Variants in SLC60A1 observed in about 807,000 individuals in gnomAD.
The protein encoded by SLC60A1 is major facilitator superfamily domain containing 4.
At chr1:205,592,318 C>T in the SLC60A1 span, 8 of 1,593,412 alleles carry the variant, frequency 5.0e-6, no homozygotes, top group Admixed American at 1.4e-4. Context: ...AGGAGGCGCG[C>T]TCTATCTAGC....
the SLC60A1 span, among the ~76,000 whole-genome samples, chr1:205,582,368 G>A: frequency 1.3e-5 from 2 of 152,214 alleles, no homozygotes; most frequent in East Asian, 1.9e-4. Flanking sequence ...AGTCCAGCAC[G>A]GAGGAAGATG....
At chr1:205,599,214 C>G in the SLC60A1 span, 2 of 1,614,024 alleles carry the variant, frequency 1.2e-6, no homozygotes, top group Admixed American at 3.3e-5. Flanking sequence ...ATATCTTGCT[C>G]CTGTTTTTCC....
the SLC60A1 span, chr1:205,584,929 T>A: frequency 6.2e-7 from 1 of 1,614,034 alleles, no homozygotes; most frequent in Non-Finnish European, 8.5e-7. Flanking sequence ...AGGAGCCCCT[T>A]ATTCCTTCTT....
the SLC60A1 span, chr1:205,569,173 TG>T: frequency 1.3e-6 from 2 of 1,543,536 alleles, no homozygotes; most frequent in South Asian, 1.2e-5. Context: ...ATCGCCTTCC[TG>T]GGGCCCACGC....
the SLC60A1 span, among the ~76,000 whole-genome samples, chr1:205,594,853 C>A: frequency 3.3e-5 from 5 of 152,108 alleles, no homozygotes; most frequent in African/African-American, 1.2e-4. Context: ...TCCTTGTCTT[C>A]AGTCTTGCCT....
At chr1:205,594,074 A>G in the SLC60A1 span, among the ~76,000 whole-genome samples, 1 of 152,328 alleles carries the variant, frequency 6.6e-6, no homozygotes, top group East Asian at 1.9e-4. Context: ...GCCAGTCATC[A>G]TCCAGGCAGC....
the SLC60A1 span, chr1:205,569,071 T>C: frequency 2.1e-6 from 3 of 1,438,786 alleles, no homozygotes; most frequent in African/African-American, 1.5e-5. Context: ...GCCTGCGCCA[T>C]GGGCTGCGAC....
chr1:205,582,861 A>G, the SLC60A1 span, among the ~76,000 whole-genome samples: 1 of 152,146 alleles, frequency 6.6e-6, no homozygotes, highest in Non-Finnish European at 1.5e-5. Flanking sequence ...AGGTGACTTG[A>G]GGAAATACTG....
chr1:205,591,918 C>T, the SLC60A1 span: 1 of 545,874 alleles, frequency 1.8e-6, no homozygotes, highest in South Asian at 2.2e-5. Context: ...GGGAAGATGT[C>T]TAGGCGGGGG....
At chr1:205,570,350 A>G in the SLC60A1 span, among the ~76,000 whole-genome samples, 1 of 152,196 alleles carries the variant, frequency 6.6e-6, no homozygotes, top group African/African-American at 2.4e-5. Flanking sequence ...CCTAGATCCC[A>G]TGGACTCAGT....
chr1:205,579,820 C>T, the SLC60A1 span: 1 of 1,614,082 alleles, frequency 6.2e-7, no homozygotes, highest in Admixed American at 1.7e-5. Context: ...CCGTCATCCC[C>T]TTCTGCCGCG....
chr1:205,570,393 A>G, the SLC60A1 span, among the ~76,000 whole-genome samples: 13 of 151,560 alleles, frequency 8.6e-5, no homozygotes, highest in African/African-American at 3.1e-4. Context: ...AAAAAACCGC[A>G]GTTGGGCTAT....
chr1:205,570,065 A>G, the SLC60A1 span, among the ~76,000 whole-genome samples: 1 of 151,828 alleles, frequency 6.6e-6, no homozygotes, highest in Non-Finnish European at 1.5e-5. Context: ...CACCCACCTC[A>G]TCCTACTCCT....
chr1:205,600,485 A>G, the SLC60A1 span: 5 of 1,611,988 alleles, frequency 3.1e-6, no homozygotes, highest in Admixed American at 8.3e-5. Context: ...AGGCAAGAGA[A>G]GACTTTCAGC....
chr1:205,572,311 C>A, the SLC60A1 span, among the ~76,000 whole-genome samples: 1 of 152,052 alleles, frequency 6.6e-6, no homozygotes, highest in Non-Finnish European at 1.5e-5. Flanking sequence ...CCCTTTATCT[C>A]GAAGGCGTCA....
At chr1:205,571,816 A>C in the SLC60A1 span, among the ~76,000 whole-genome samples, 1 of 152,194 alleles carries the variant, frequency 6.6e-6, no homozygotes, top group Non-Finnish European at 1.5e-5. Flanking sequence ...TTGCAGCTTA[A>C]GTGATTACCA....
chr1:205,592,016 C>A, the SLC60A1 span: 2 of 1,342,960 alleles, frequency 1.5e-6, no homozygotes, highest in Non-Finnish European at 1.0e-6. Flanking sequence ...GCGCGGGTCA[C>A]ACAGCTGGGC....
chr1:205,580,060 G>C, the SLC60A1 span: 3 of 1,189,520 alleles, frequency 2.5e-6, no homozygotes, highest in East Asian at 2.6e-5. This position sits in a 1 kb window ranked among gnomAD's most constrained non-coding sequence, Gnocchi z 5.0. Context: ...TACCAGCTGG[G>C]TTAGTAAGTT....
chr1:205,571,336 T>G, the SLC60A1 span, among the ~76,000 whole-genome samples: 1 of 152,208 alleles, frequency 6.6e-6, no homozygotes, highest in Non-Finnish European at 1.5e-5. Flanking sequence ...GCAATCCCTC[T>G]TGCTTTGTGA....
Sources: allele counts gnomAD v4.1 joint callset (sites outside exome capture counted in the v4.1 genomes callset), GRCh38; gene constraint gnomAD v4.1.1; non-coding constraint Gnocchi (gnomAD v3.1); transcripts MANE v1.5; gene names NCBI Gene and HGNC (gene_info 2026-07-23, HGNC 2026-07-21).